Variants in PDE8A observed in about 807,000 individuals in gnomAD.
PDE8A encodes the protein phosphodiesterase 8A.
PDE8A carries 59 observed loss-of-function variants against 105.0 expected under a neutral mutation model. The observed-to-expected ratio is 0.56, with a 90% confidence interval of 0.46 to 0.70. The LOEUF (loss-of-function observed/expected upper bound fraction) is 0.70, where lower values mean the gene tolerates loss of function less well. Ranked by LOEUF, PDE8A falls within the 30% of genes least tolerant of loss-of-function variation. The pLI is 0.00. For missense variants in PDE8A, 1,014 were observed against 1,045.9 expected (o/e 0.97, Z 0.42); for synonymous variants, 355 against 371.9 (o/e 0.95, Z 0.52).
intron 1 of PDE8A, among the ~76,000 whole-genome samples, chr15:85,031,610 C>T (rs1427817235): frequency 6.6e-6 from 1 of 152,084 alleles, no homozygotes; most frequent in Non-Finnish European, 1.5e-5. Context: ...CAGTCCACAC[C>T]CCTGCTTCCT....
chr15:85,109,619 T>C (rs1479298722), intron 12 of PDE8A, among the ~76,000 whole-genome samples: 4 of 152,250 alleles, frequency 2.6e-5, no homozygotes, highest in Admixed American at 2.6e-4. Context: ...GTTTTTGAAA[T>C]GTAGTCAACA....
At chr15:85,116,231 G>A in intron 16 of PDE8A, 112 bp downstream of exon 16, 3 of 1,150,968 alleles carry the variant, frequency 2.6e-6, no homozygotes, top group Non-Finnish European at 2.5e-6. Context: ...TCAGGGTGGG[G>A]CCCTAAGGAA....
At chr15:85,105,988 C>T (rs1175393607) in intron 11 of PDE8A, among the ~76,000 whole-genome samples, 1 of 152,192 alleles carries the variant, frequency 6.6e-6, no homozygotes, top group Non-Finnish European at 1.5e-5. Context: ...TTGCTAGAAT[C>T]ATCTATAACG....
At chr15:85,129,494 G>A (rs547062858) in intron 20 of PDE8A, among the ~76,000 whole-genome samples, 2 of 152,224 alleles carry the variant, frequency 1.3e-5, no homozygotes, top group East Asian at 1.9e-4. Context: ...TATCCATTGT[G>A]TTGGCATTCA....
At chr15:85,116,772 C>G (rs932037820) in intron 16 of PDE8A, among the ~76,000 whole-genome samples, 2 of 152,228 alleles carry the variant, frequency 1.3e-5, no homozygotes, top group African/African-American at 4.8e-5. Context: ...TCATCTCAGT[C>G]TGGGTGACCT....
At chr15:85,048,887 G>A (rs1239812246) in intron 1 of PDE8A, among the ~76,000 whole-genome samples, 1 of 152,176 alleles carries the variant, frequency 6.6e-6, no homozygotes, top group Non-Finnish European at 1.5e-5. Flanking sequence ...GATCACTTGA[G>A]GTCAGGAGTT....
At chr15:85,090,768 C>A (rs1465304758) in intron 7 of PDE8A, 2 of 518,606 alleles carry the variant, frequency 3.9e-6, no homozygotes, top group Admixed American at 4.5e-5. Context: ...CTTCCTCTGC[C>A]CCTGTTGAAG....
intron 14 of PDE8A, 79 bp downstream of exon 14, chr15:85,114,116 A>G: frequency 8.0e-7 from 1 of 1,254,322 alleles, no homozygotes; most frequent in Non-Finnish European, 1.1e-6. Flanking sequence ...ACTTAAACAG[A>G]TATTGAAGAG....
intron 12 of PDE8A, among the ~76,000 whole-genome samples, chr15:85,112,852 C>T (rs1940791311): frequency 6.6e-6 from 1 of 152,154 alleles, no homozygotes; most frequent in Non-Finnish European, 1.5e-5. Flanking sequence ...TTGCTGCCTG[C>T]CTCATTGAAG....
At chr15:85,122,724 A>G (rs1293361091) in intron 18 of PDE8A, among the ~76,000 whole-genome samples, 1 of 152,244 alleles carries the variant, frequency 6.6e-6, no homozygotes, top group Non-Finnish European at 1.5e-5. Context: ...CGGTCCTCAC[A>G]TTCTATGGGC....
chr15:85,128,341 GA>G (rs923777028), intron 20 of PDE8A, among the ~76,000 whole-genome samples: 9 of 151,724 alleles, frequency 5.9e-5, no homozygotes, highest in African/African-American at 1.5e-4. Context: ...CGCATCACTA[GA>G]AAAAAAAATT....
Position 85,070,799 on chromosome 15 carries a change from C to G in PDE8A, c.434+3595C>G, listed in dbSNP as rs528488732. On this transcript the variant is annotated intron_variant, in intron 3 of 21. Transcript: ENST00000394553. ...TAGGTAGTTGAAACACTGATAGATT[C>G]TGCGCAGGAAAGTGTTGAGCAGGAT... 5.9e-5 allele frequency among the ~76,000 whole-genome samples: 9 copies of G among 152,294 alleles called. No individual in the cohort carries two copies. The South Asian group carries it at 1.9e-3, about 32-fold the overall frequency.
intron 9 of PDE8A, among the ~76,000 whole-genome samples, chr15:85,099,375 A>T (rs1413239173): frequency 6.6e-6 from 1 of 152,250 alleles, no homozygotes; most frequent in Admixed American, 6.5e-5. Context: ...CCAGTTGGTG[A>T]TCGCCTCAGG....
intron 1 of PDE8A, among the ~76,000 whole-genome samples, chr15:85,043,711 T>TG (rs2080846548): frequency 6.7e-6 from 1 of 148,526 alleles, no homozygotes; most frequent in African/African-American, 2.5e-5. Context: ...TTTGTTTGTT[T>TG]TTTTGAGGCA....
rs527255084 is a variant in PDE8A at position 85,036,741 on chromosome 15, A to G, written c.187-27629A>G. Among the ~76,000 whole-genome samples, 117 of 152,296 alleles carry G rather than the reference A, an allele frequency of 7.7e-4. 1 individual carries two copies. Among genetic ancestry groups the G allele is most frequent in the Middle Eastern group, 3.4e-3 (1 of 294 alleles). On this transcript the variant is annotated intron_variant, in intron 1 of 21. Transcript: ENST00000394553. ...CTGCCTCAGCTGCCCATCTAAAGGAAGTTGCAGCAGGAGGGACACAGTAGA... is the reference window on the plus strand; with the variant it reads ...CTGCCTCAGCTGCCCATCTAAAGGAGGTTGCAGCAGGAGGGACACAGTAGA...
At chr15:85,045,543 A>G (rs898062266) in intron 1 of PDE8A, among the ~76,000 whole-genome samples, 4 of 152,242 alleles carry the variant, frequency 2.6e-5, no homozygotes, top group Non-Finnish European at 4.4e-5. Context: ...ATAAGGTAAG[A>G]ACTAAATTGG....
intron 1 of PDE8A, among the ~76,000 whole-genome samples, chr15:84,991,937 C>T (rs531681067): frequency 1.3e-3 from 198 of 152,104 alleles, no homozygotes; most frequent in African/African-American, 4.6e-3. Flanking sequence ...TACTTGAGGC[C>T]AGGAGTTTGA....
At chr15:85,116,331 C>A in intron 16 of PDE8A, 1 of 539,428 alleles carries the variant, frequency 1.9e-6, no homozygotes, top group Non-Finnish European at 3.3e-6. Flanking sequence ...GGAAAGCATG[C>A]AACTGAGCCA....
intron 12 of PDE8A, among the ~76,000 whole-genome samples, chr15:85,110,602 C>T (rs1222529431): frequency 6.6e-6 from 1 of 152,156 alleles, no homozygotes; most frequent in Admixed American, 6.5e-5. Context: ...GAGGTTCTTC[C>T]ATGTTGTTAG....
Sources: allele counts gnomAD v4.1 joint callset (sites outside exome capture counted in the v4.1 genomes callset), GRCh38; gene constraint gnomAD v4.1.1; transcripts MANE v1.5; gene names NCBI Gene and HGNC (gene_info 2026-07-23, HGNC 2026-07-21).